The following MED1 variants were observed in gnomAD, a reference collection of about 807,000 sequenced individuals.
MED1 encodes the protein mediator of RNA polymerase II transcription subunit 1.
A neutral mutation model predicts 121.3 loss-of-function variants in MED1; 17 were observed. That is an observed-to-expected ratio of 0.14 (90% CI 0.10 to 0.21). MED1 has a LOEUF of 0.21. Ranked by LOEUF, MED1 falls within the 10% of genes least tolerant of loss-of-function variation. The pLI is 1.00. For missense variants in MED1, 1,558 were observed against 1,919.4 expected (o/e 0.81, Z 3.52); for synonymous variants, 661 against 694.4 (o/e 0.95, Z 0.76).
chr17:39,446,678 G>A (rs549015522), intron 2 of MED1, among the ~76,000 whole-genome samples: 50 of 151,424 alleles, frequency 3.3e-4, no homozygotes, highest in Non-Finnish European at 6.9e-4. Flanking sequence ...GGAGGCTGAC[G>A]CAGGGGAATC....
chr17:39,409,176 T>C lies in MED1; in HGVS notation c.3045A>G (p.Ala1015=), dbSNP rs1483659894. The C allele has an allele frequency of 6.2e-7, 1 of 1,614,230 alleles. No individual in the cohort carries two copies. The highest frequency in any genetic ancestry group is 1.6e-4 in the Middle Eastern group (1 of 6,062). ...SKDKPPKRKK[A]DTEGKSPSHS... ...GAGATGGAGACTTTCCCTCAGTGTC[T>C]GCCTTCTTCCGCTTTGGAGGCTTAT... The change falls in exon 17 of 17, where the codon GCA becomes GCG. Residue 1015 remains alanine, a synonymous_variant. Transcript: ENST00000300651.
rs775834692 is a variant in MED1 at position 39,408,196 on chromosome 17, G to A, written c.4025C>T (p.Ser1342Phe). 9.3e-6 allele frequency: 15 copies of A among 1,613,992 alleles called. No homozygotes were observed. Among genetic ancestry groups the A allele is most frequent in the Non-Finnish European group, 1.3e-5 (15 of 1,180,034 alleles). The change falls in exon 17 of 17, where the codon TCC becomes TTC. Residue 1342 changes from serine (S) to phenylalanine (F), a missense_variant. Physicochemically the swap from Ser to Phe is radical, Grantham distance 155. Transcript: ENST00000300651. The surrounding 1 kb of genome is among the most constrained non-coding windows in gnomAD (Gnocchi z 4.7). ...STNSSSHPMS[S>F]KHNMSGGEFQ... ...CTCTCCTCCTGACATGTTATGTTTG[G>A]AGGACATAGGATGGCTGGAAGAATT...
At position 39,407,241 on chromosome 17, in the gene MED1, T is replaced by C. The variant is rs377557882; in HGVS notation, c.*234A>G. On this transcript the variant is annotated 3_prime_UTR_variant, in exon 17 of 17. Transcript: ENST00000300651. ...CTTTCTTAAGCAAGTATTTTAACTT[T>C]CTTTCTGGCACAGGAACAAAGAAGA... 3,090 of 940,952 alleles carry C rather than the reference T, an allele frequency of 3.3e-3. 15 individuals carry two copies. The highest frequency in any genetic ancestry group is 0.023 in the South Asian group (458 of 19,582). The allele number at this position is 940,952 out of a possible 1,614,324, so 58.3% of individuals were successfully genotyped here. A position where few individuals can be genotyped will look rare whatever the true frequency, so the allele number is the denominator to read the frequency against.
intron 10 of MED1, among the ~76,000 whole-genome samples, chr17:39,426,838 A>C (rs902504234): frequency 5.3e-5 from 8 of 151,940 alleles, no homozygotes; most frequent in African/African-American, 1.7e-4. Flanking sequence ...CCGGCAGTCT[A>C]TCTCTCTTTA....
chr17:39,424,751 A>T lies in MED1; in HGVS notation c.740-13T>A. 6.8e-7 allele frequency: 1 copy of T among 1,464,220 alleles called. No individual in the cohort carries two copies. The highest frequency in any genetic ancestry group is 9.6e-7 in the Non-Finnish European group (1 of 1,046,726). 90.7% of individuals were successfully genotyped at this position (1,464,220 alleles called of 1,614,324 possible). On this transcript the variant is annotated splice_polypyrimidine_tract_variant and intron_variant, in intron 10 of 16. Transcript: ENST00000300651. ...AAAGATCGAGAAACTGGGGATAGGA[A>T]AGAAAAAGGGTATTCCTCAAAGTAA... is the stretch of plus-strand genomic sequence containing the variant.
chr17:39,435,374 T>C (rs569941465), intron 6 of MED1, among the ~76,000 whole-genome samples: 56 of 152,220 alleles, frequency 3.7e-4, no homozygotes, highest in African/African-American at 1.2e-3. Context: ...GACCTCTGGC[T>C]TTCTAGGACC....
chr17:39,428,092 G>T (rs1447355870), intron 9 of MED1, among the ~76,000 whole-genome samples: 1 of 152,086 alleles, frequency 6.6e-6, no homozygotes, highest in Non-Finnish European at 1.5e-5. Flanking sequence ...GCTAATGCCT[G>T]TAATCCTAGC....
chr17:39,432,082 C>A (rs2048569949), intron 7 of MED1, 66 bp from the exon 8 acceptor site: 3 of 1,194,722 alleles, frequency 2.5e-6, no homozygotes, highest in African/African-American at 1.5e-5. Flanking sequence ...GGTGGCTCAG[C>A]CTGTAATCCC....
intron 1 of MED1, among the ~76,000 whole-genome samples, chr17:39,448,153 A>T (rs1433661910): frequency 5.7e-5 from 8 of 140,210 alleles, no homozygotes; most frequent in African/African-American, 8.5e-5. Flanking sequence ...TTTTTTTTTT[A>T]AAGACTAAGT....
At chr17:39,419,671 A>G in intron 14 of MED1, 46 bp downstream of exon 14, 2 of 1,546,520 alleles carry the variant, frequency 1.3e-6, no homozygotes, top group Non-Finnish European at 1.8e-6. Flanking sequence ...CCACTGGAGA[A>G]GTAAGTTTCC....
chr17:39,416,314 C>T (rs976855956), intron 14 of MED1, among the ~76,000 whole-genome samples: 1 of 152,202 alleles, frequency 6.6e-6, no homozygotes, highest in Non-Finnish European at 1.5e-5. Context: ...GCCATAAACT[C>T]TGCTTTCTAT....
chr17:39,442,981 AC>A (rs1176200056), intron 3 of MED1, among the ~76,000 whole-genome samples: 3 of 148,714 alleles, frequency 2.0e-5, no homozygotes, highest in Non-Finnish European at 4.5e-5. Flanking sequence ...GGGAAAAAAA[AC>A]TTTTCCCAGG....
chr17:39,415,125 A>G lies in MED1; in HGVS notation c.1400T>C (p.Met467Thr). 1 of 1,613,906 alleles carries G rather than the reference A, an allele frequency of 6.2e-7. No individual in the cohort carries two copies. Among genetic ancestry groups the G allele is most frequent in the Non-Finnish European group, 8.5e-7 (1 of 1,179,800 alleles). The change falls in exon 16 of 17, where the codon ATG becomes ACG. Residue 467 changes from methionine to threonine, a missense_variant. Met to Thr is a moderately conservative substitution (Grantham distance 81). Around this residue, in one of 5 missense-constraint regions of MED1, gnomAD observed 50 missense variants for 134.5 expected, o/e 0.37. Coordinates refer to ENST00000300651, the MANE Select transcript of MED1 (RefSeq NM_004774.4). ...PVNDSLVCVV[M>T]DVQDSTHVSC... The stretch of plus-strand genomic sequence containing the variant: ...CACATGTGTTGAGTCCTGCACATCC[A>G]TTACCACTGAAAGACAAAATACATA...
At chr17:39,425,726 T>C (rs1027131075) in intron 10 of MED1, among the ~76,000 whole-genome samples, 1 of 150,086 alleles carries the variant, frequency 6.7e-6, no homozygotes, top group Admixed American at 6.7e-5. Context: ...CACTTGAACC[T>C]GGGGGGCGGA....
intron 6 of MED1, among the ~76,000 whole-genome samples, chr17:39,436,525 C>T (rs570822166): frequency 1.3e-5 from 2 of 152,164 alleles, no homozygotes; most frequent in Admixed American, 1.3e-4. Context: ...AAAGTCTTAA[C>T]TCTGAGTTTA....
In MED1 at chr17:39,417,813, C is replaced by T. The variant is rs1320735539; in HGVS notation, c.1297+1904G>A. On this transcript the variant is annotated intron_variant, in intron 14 of 16. Coordinates refer to ENST00000300651, the MANE Select transcript of MED1 (RefSeq NM_004774.4). ...TTACAGCAAAGCTTCTAATAGCCAACTGTCTTTGAAAATCATCAGCATTTA... is the reference window on the plus strand; with the variant it reads ...TTACAGCAAAGCTTCTAATAGCCAATTGTCTTTGAAAATCATCAGCATTTA... Among the ~76,000 whole-genome samples the T allele has an allele frequency of 2.0e-5, 3 of 152,038 alleles. No homozygotes were observed. In the South Asian group the frequency reaches 6.2e-4, roughly 32 times the overall value.
intron 9 of MED1, among the ~76,000 whole-genome samples, chr17:39,429,797 C>G (rs1005272678): frequency 1.3e-5 from 2 of 150,908 alleles, no homozygotes; most frequent in Non-Finnish European, 2.9e-5. Context: ...TTATAAACCC[C>G]AAGATGAGGC....
rs1056087449 is a variant in MED1, at chr17:39,407,284, T to C, written c.*191A>G. 1.1e-5 allele frequency: 13 copies of C among 1,141,796 alleles called. No homozygotes were observed. Among genetic ancestry groups the C allele is most frequent in the African/African-American group, 1.7e-5 (1 of 59,880 alleles). 70.7% of individuals were successfully genotyped at this position (1,141,796 alleles called of 1,614,324 possible). A position where few individuals can be genotyped will look rare whatever the true frequency, so the allele number is the denominator to read the frequency against. On this transcript the variant is annotated 3_prime_UTR_variant, in exon 17 of 17. Transcript: ENST00000300651. Reference sequence around the variant, plus strand: ...AAAGAAGACTTCCTGGTAACCAGAATCAAACCCTGTGGTTTCTTTAATAGG... The same window carrying C: ...AAAGAAGACTTCCTGGTAACCAGAACCAAACCCTGTGGTTTCTTTAATAGG...
chr17:39,418,085 C>CAAAAAAA lies in MED1; in HGVS notation c.1297+1625_1297+1631dup, dbSNP rs760116991. ...TGGGGAACAGAGTGAGACTCCGTCT[C>CAAAAAAA]AAAAAAAAAAAAAAAAAAAAAAAAA... On this transcript the variant is annotated intron_variant, in intron 14 of 16. Transcript: ENST00000300651. Among the ~76,000 whole-genome samples, 91 of 55,598 alleles carry CAAAAAAA rather than the reference C, an allele frequency of 1.6e-3. 4 individuals are homozygous for CAAAAAAA. The highest frequency in any genetic ancestry group is 2.3e-3 in the Non-Finnish European group (76 of 32,444). The allele number at this position is 55,598 out of a possible 152,430, so 36.5% of individuals were successfully genotyped here. A position where few individuals can be genotyped will look rare whatever the true frequency, so the allele number is the denominator to read the frequency against.
Sources: allele counts gnomAD v4.1 joint callset (sites outside exome capture counted in the v4.1 genomes callset), GRCh38; gene constraint gnomAD v4.1.1; regional missense constraint gnomAD v4.1.1; non-coding constraint Gnocchi (gnomAD v3.1); transcripts MANE v1.5; gene names NCBI Gene and HGNC (gene_info 2026-07-23, HGNC 2026-07-21).